ELK3: variants seen among roughly 807,000 people sequenced by gnomAD.
ELK3 encodes ETS transcription factor ELK3.
A neutral mutation model predicts 28.9 loss-of-function variants in ELK3; 10 were observed. That is an observed-to-expected ratio of 0.35 (90% CI 0.21 to 0.59). The LOEUF is 0.59. Among genes scored for constraint, ELK3 ranks in the 20% least tolerant of loss-of-function variants. The pLI is 0.82. For missense variants in ELK3, 463 were observed against 517.3 expected, an observed-to-expected ratio of 0.90 and a Z score of 1.02; for synonymous variants, 272 against 243.5, an observed-to-expected ratio of 1.12 and a Z score of -1.09.
chr12:96,246,882 C>G (rs1592686128), intron 2 of ELK3, 58 bp from the exon 3 acceptor site: 2 of 1,503,598 alleles, frequency 1.3e-6, no homozygotes, highest in Non-Finnish European at 1.8e-6. Context: ...TTATCATGAG[C>G]TCTTACATGG....
chr12:96,252,139 CAA>C (rs1055783010), intron 3 of ELK3, among the ~76,000 whole-genome samples: 1 of 152,232 alleles, frequency 6.6e-6, no homozygotes, highest in African/African-American at 2.4e-5. Context: ...AATGGAACAA[CAA>C]AGTCTGGACG....
intron 1 of ELK3, among the ~76,000 whole-genome samples, chr12:96,221,227 GGTCTCT>G (rs1951659350): frequency 6.6e-6 from 1 of 152,188 alleles, no homozygotes; most frequent in Admixed American, 6.5e-5. Context: ...CCCAGAACAT[GGTCTCT>G]GACACATGGG....
chr12:96,200,480 T>C (rs1165150213), intron 1 of ELK3, among the ~76,000 whole-genome samples: 8 of 152,150 alleles, frequency 5.3e-5, no homozygotes, highest in African/African-American at 1.9e-4. Context: ...AGACAATATT[T>C]CCATGTCCCC....
intron 1 of ELK3, among the ~76,000 whole-genome samples, chr12:96,220,382 ATTT>A (rs35309478): frequency 7.3e-4 from 73 of 100,312 alleles, no homozygotes; most frequent in South Asian, 5.2e-3. Context: ...CTTTTTCGTG[ATTT>A]TTTTTTTTTT....
chr12:96,239,981 G>A (rs1951809426), intron 2 of ELK3, among the ~76,000 whole-genome samples: 1 of 152,260 alleles, frequency 6.6e-6, no homozygotes, highest in Non-Finnish European at 1.5e-5. Context: ...CACATCTGCG[G>A]CTCCGTGTGT....
rs747277733 is a variant in ELK3, at chr12:96,267,821, A to G, written c.*641A>G. The G allele has an allele frequency of 9.4e-5, 8 of 85,550 alleles. No homozygotes were observed. Among genetic ancestry groups the G allele is most frequent in the African/African-American group, 3.0e-4 (6 of 19,712 alleles). The allele number at this position is 85,550 out of a possible 1,614,324, so 5.3% of individuals were successfully genotyped here. On this transcript the variant is annotated 3_prime_UTR_variant, in exon 5 of 5. Coordinates refer to ENST00000228741, the MANE Select transcript of ELK3 (RefSeq NM_005230.4). ...TAATAAACTAAGCCATATTTAGACA[A>G]TAAACATTGATAAAAGAAAATGTTC...
At chr12:96,242,004 A>C (rs1020956137) in intron 2 of ELK3, among the ~76,000 whole-genome samples, 2 of 152,224 alleles carry the variant, frequency 1.3e-5, no homozygotes, top group African/African-American at 4.8e-5. Context: ...GTAAGAGGGA[A>C]GCGGATGTGT....
intron 3 of ELK3, among the ~76,000 whole-genome samples, chr12:96,251,443 C>G (rs1218487569): frequency 6.6e-6 from 1 of 152,040 alleles, no homozygotes; most frequent in East Asian, 1.9e-4. Context: ...ATAAAGTGTT[C>G]AAGAGAAAGG....
rs947307918 is a variant in ELK3, at chr12:96,247,831, G to A, written c.1002+97G>A. ...GAGACTTCCTTCTGTCCCTCAAAAC[G>A]TTGTCCTATGACTCGTACCGAGGTC... On this transcript the variant is annotated intron_variant, in intron 3 of 4. Transcript: ENST00000228741. This position sits in a 1 kb window ranked among gnomAD's most constrained non-coding sequence, Gnocchi z 5.5. The A allele has an allele frequency of 4.1e-5, 56 of 1,362,372 alleles. No individual in the cohort carries two copies. Among genetic ancestry groups the A allele is most frequent in the Admixed American group, 5.7e-5 (2 of 34,806 alleles). The allele number at this position is 1,362,372 out of a possible 1,614,324, so 84.4% of individuals were successfully genotyped here.
chr12:96,215,501 C>A (rs79064845), intron 1 of ELK3, among the ~76,000 whole-genome samples: 2 of 151,956 alleles, frequency 1.3e-5, no homozygotes, highest in East Asian at 3.8e-4. Context: ...TAGGCGGAGG[C>A]GGGCACAGCG....
At chr12:96,213,646 A>G (rs774201775) in intron 1 of ELK3, 1 of 152,236 alleles carries the variant, frequency 6.6e-6, no homozygotes. Context: ...AGAAGGAAAG[A>G]GGGGTGTTCC....
chr12:96,249,821 G>T (rs1196740174), intron 3 of ELK3, among the ~76,000 whole-genome samples: 2 of 152,194 alleles, frequency 1.3e-5, no homozygotes, highest in Non-Finnish European at 2.9e-5. Flanking sequence ...AGGATCAAGG[G>T]TGGATGCCCA....
At chr12:96,259,413 G>A (rs1485480366) in intron 3 of ELK3, among the ~76,000 whole-genome samples, 2 of 152,152 alleles carry the variant, frequency 1.3e-5, no homozygotes. Flanking sequence ...TTAGTCGGTG[G>A]TGGGTGCCTG....
At chr12:96,199,108 T>A (rs1239797110) in intron 1 of ELK3, among the ~76,000 whole-genome samples, 1 of 152,178 alleles carries the variant, frequency 6.6e-6, no homozygotes, top group Non-Finnish European at 1.5e-5. Context: ...GATTTAAGGA[T>A]GAGTCATGAT....
intron 1 of ELK3, among the ~76,000 whole-genome samples, chr12:96,222,136 G>A (rs1037751664): frequency 6.6e-6 from 1 of 152,020 alleles, no homozygotes; most frequent in Non-Finnish European, 1.5e-5. Flanking sequence ...TTTTTTAAAT[G>A]TAATGAGGAT....
rs113267677 is a variant in ELK3, at chr12:96,226,069, C to T, written c.207+2296C>T. On this transcript the variant is annotated intron_variant, in intron 2 of 4. Coordinates refer to ENST00000228741, the MANE Select transcript of ELK3 (RefSeq NM_005230.4). ...ATCATTTGAGCCTGGGAGTTTGAGA[C>T]TGCAGTGAGCTCTGATTGCACCACT... is the stretch of plus-strand genomic sequence containing the variant. Among the ~76,000 whole-genome samples, 1,008 of 152,110 alleles carry T rather than the reference C, an allele frequency of 6.6e-3. 18 individuals carry two copies. The highest frequency in any genetic ancestry group is 0.023 in the African/African-American group (969 of 41,482).
intron 1 of ELK3, among the ~76,000 whole-genome samples, chr12:96,204,859 C>G (rs1328820489): frequency 6.6e-6 from 1 of 152,264 alleles, no homozygotes; most frequent in Non-Finnish European, 1.5e-5. Flanking sequence ...AATGTCACTT[C>G]CCCTCTTCAT....
chr12:96,266,451 C>T (rs1952030658), intron 4 of ELK3, among the ~76,000 whole-genome samples: 1 of 152,082 alleles, frequency 6.6e-6, no homozygotes, highest in South Asian at 2.1e-4. Context: ...TACTGTCATC[C>T]TACTATATTT....
At chr12:96,257,230 A>G (rs1436253829) in intron 3 of ELK3, among the ~76,000 whole-genome samples, 2 of 152,234 alleles carry the variant, frequency 1.3e-5, no homozygotes, top group African/African-American at 2.4e-5. Context: ...CAGGTGTTAT[A>G]GGAACTTTCC....
Sources: allele counts gnomAD v4.1 joint callset (sites outside exome capture counted in the v4.1 genomes callset), GRCh38; gene constraint gnomAD v4.1.1; non-coding constraint Gnocchi (gnomAD v3.1); transcripts MANE v1.5; gene names NCBI Gene and HGNC (gene_info 2026-07-23, HGNC 2026-07-21).